Variants in WWOX observed in about 807,000 individuals in gnomAD.
The protein encoded by WWOX is WW domain containing oxidoreductase.
Under a neutral mutation model 46.2 loss-of-function variants are expected in WWOX, and 69 were observed. That is an observed-to-expected ratio of 1.49 (90% CI 1.23 to 1.82). The LOEUF is 1.82. Among genes scored for constraint, WWOX ranks in the 40% most tolerant of loss-of-function variants. WWOX has a pLI of 0.00. For missense variants in WWOX, 919 were observed against 542.6 expected (o/e 1.69, Z -6.89); for synonymous variants, 359 against 202.6 (o/e 1.77, Z -6.56).
chr16:78,982,995 T>A (rs2046712642), intron 8 of WWOX, among the ~76,000 whole-genome samples: 1 of 152,196 alleles, frequency 6.6e-6, no homozygotes, highest in South Asian at 2.1e-4. Context: ...GTGGTTTCCT[T>A]TGGCTGCAGT....
Position 79,032,174 on chromosome 16 carries a change from T to C in WWOX, c.1057-179434T>C, listed in dbSNP as rs541143356. Among the ~76,000 whole-genome samples the C allele has an allele frequency of 7.5e-5, 11 of 145,974 alleles. No homozygotes were observed. The East Asian group carries it at 1.2e-3, about 16-fold the overall frequency. On this transcript the variant is annotated intron_variant, in intron 8 of 8. Transcript: ENST00000566780. ...AAAGTCTATAAAAACTGTTTTCCTT[T>C]GTCATTGCCCCCACCAAATATTTAT... is the stretch of plus-strand genomic sequence containing the variant.
chr16:78,577,601 T>C (rs538425258), intron 8 of WWOX, among the ~76,000 whole-genome samples: 25 of 152,298 alleles, frequency 1.6e-4, no homozygotes, highest in African/African-American at 5.8e-4. Context: ...TACTTATGCT[T>C]TCTGGGCTTT....
intron 8 of WWOX, among the ~76,000 whole-genome samples, chr16:78,576,646 A>C (rs1241612992): frequency 6.6e-6 from 1 of 152,180 alleles, no homozygotes; most frequent in Non-Finnish European, 1.5e-5. Context: ...CAGCCTGGGC[A>C]CTATAGTGAG....
In WWOX at chr16:78,249,294, C is replaced by G. The variant is rs115406710; in HGVS notation, c.516+85005C>G. Among the ~76,000 whole-genome samples, 410 of 152,348 alleles carry G rather than the reference C, an allele frequency of 2.7e-3. 2 individuals carry two copies. Among genetic ancestry groups the G allele is most frequent in the African/African-American group, 9.6e-3 (398 of 41,570 alleles). On this transcript the variant is annotated intron_variant, in intron 5 of 8. Transcript: ENST00000566780. Reference sequence around the variant, plus strand: ...CTGCAGGCATTAATGCAAAGCTGCACTGCCTCACGAGGTCGCTGATGCACT... The same window carrying G: ...CTGCAGGCATTAATGCAAAGCTGCAGTGCCTCACGAGGTCGCTGATGCACT...
intron 8 of WWOX, among the ~76,000 whole-genome samples, chr16:79,035,527 C>T (rs925583201): frequency 1.1e-4 from 16 of 151,720 alleles, no homozygotes; most frequent in African/African-American, 3.1e-4. Flanking sequence ...GGGAAAGAGT[C>T]AGCTTATTTT....
intron 8 of WWOX, among the ~76,000 whole-genome samples, chr16:78,569,329 C>T (rs1038862281): frequency 2.0e-5 from 3 of 152,150 alleles, no homozygotes; most frequent in Non-Finnish European, 2.9e-5. Flanking sequence ...TATTTCATAT[C>T]ACTGTTCAAA....
At chr16:78,637,059 G>A (rs2046589685) in intron 8 of WWOX, among the ~76,000 whole-genome samples, 1 of 152,188 alleles carries the variant, frequency 6.6e-6, no homozygotes, top group South Asian at 2.1e-4. Context: ...AGCACACCAA[G>A]GAATGTGGAC....
chr16:78,573,769 A>C (rs2151577094), intron 8 of WWOX, among the ~76,000 whole-genome samples: 1 of 152,258 alleles, frequency 6.6e-6, no homozygotes, highest in South Asian at 2.1e-4. Context: ...CCATCTGCTC[A>C]TTCTCGATCT....
intron 8 of WWOX, among the ~76,000 whole-genome samples, chr16:78,978,707 G>C (rs1025416393): frequency 6.6e-6 from 1 of 152,152 alleles, no homozygotes; most frequent in Non-Finnish European, 1.5e-5. Context: ...AACAGAGAGC[G>C]ACTGGGGAGG....
intron 8 of WWOX, among the ~76,000 whole-genome samples, chr16:78,518,480 C>G (rs149672784): frequency 2.9e-3 from 437 of 152,274 alleles, no homozygotes; most frequent in African/African-American, 0.01. Flanking sequence ...CTCGGCCTCC[C>G]AAATTGCTGG....
At chr16:79,014,005 G>A (rs1488081027) in intron 8 of WWOX, among the ~76,000 whole-genome samples, 1 of 152,124 alleles carries the variant, frequency 6.6e-6, no homozygotes, top group Non-Finnish European at 1.5e-5. Context: ...TTGTCAGTTG[G>A]CATGCGATAT....
At chr16:78,528,914 TTC>T (rs2043550017) in intron 8 of WWOX, among the ~76,000 whole-genome samples, 1 of 151,588 alleles carries the variant, frequency 6.6e-6, no homozygotes, top group African/African-American at 2.4e-5. Context: ...GAAAAAAACT[TTC>T]TTTTTTTTTT....
chr16:78,416,004 G>A (rs1250010241), intron 6 of WWOX, among the ~76,000 whole-genome samples: 1 of 152,220 alleles, frequency 6.6e-6, no homozygotes, highest in Non-Finnish European at 1.5e-5. Context: ...TGAGAGCCAT[G>A]TAGAACCTGC....
intron 8 of WWOX, among the ~76,000 whole-genome samples, chr16:78,917,706 C>G (rs967642750): frequency 1.3e-5 from 2 of 152,030 alleles, no homozygotes; most frequent in South Asian, 4.1e-4. Context: ...TGGGCAGGGA[C>G]TGTATCTCCT....
At chr16:78,564,421 C>T (rs2044513964) in intron 8 of WWOX, among the ~76,000 whole-genome samples, 1 of 152,124 alleles carries the variant, frequency 6.6e-6, no homozygotes, top group Non-Finnish European at 1.5e-5. Flanking sequence ...ATGAACATTT[C>T]ATCCAGGGTT....
At chr16:79,130,649 G>C (rs968091432) in intron 8 of WWOX, among the ~76,000 whole-genome samples, 1 of 152,182 alleles carries the variant, frequency 6.6e-6, no homozygotes, top group Non-Finnish European at 1.5e-5. Context: ...AGGAAGCCAA[G>C]AACAAATTAA....
At chr16:78,825,074 G>A (rs2051611841) in intron 8 of WWOX, among the ~76,000 whole-genome samples, 1 of 152,112 alleles carries the variant, frequency 6.6e-6, no homozygotes, top group Non-Finnish European at 1.5e-5. Context: ...TAATACTCAT[G>A]AACAACTCCA....
intron 8 of WWOX, among the ~76,000 whole-genome samples, chr16:78,746,854 T>G (rs1218671548): frequency 1.3e-5 from 2 of 152,174 alleles, no homozygotes; most frequent in Non-Finnish European, 2.9e-5. Context: ...TTTGATCTTG[T>G]GAACCCTTGA....
intron 8 of WWOX, among the ~76,000 whole-genome samples, chr16:78,625,726 C>T (rs77432501): frequency 0.042 from 5,731 of 135,900 alleles, 146 homozygotes; most frequent in South Asian, 0.11. Context: ...AAAAGTAATG[C>T]GGTTTTACTT....
Sources: allele counts gnomAD v4.1 joint callset (sites outside exome capture counted in the v4.1 genomes callset), GRCh38; gene constraint gnomAD v4.1.1; transcripts MANE v1.5; gene names NCBI Gene and HGNC (gene_info 2026-07-23, HGNC 2026-07-21).